Variants in PTPRD observed in about 807,000 individuals in gnomAD.
PTPRD encodes the protein receptor-type tyrosine-protein phosphatase delta.
Under a neutral mutation model 214.5 loss-of-function variants are expected in PTPRD, and 34 were observed. That is an observed-to-expected ratio of 0.16 (90% confidence interval 0.12 to 0.21). PTPRD has a LOEUF of 0.21. PTPRD is among the 10% of genes least tolerant of loss of function. The pLI is 1.00. For missense variants in PTPRD, 2,545 were observed against 2,398.7 expected (o/e 1.06, Z -1.27); for synonymous variants, 1,128 against 845.7 (o/e 1.33, Z -5.79).
chr9:9,450,658 G>A (rs550599139), intron 8 of PTPRD, among the ~76,000 whole-genome samples: 1 of 151,632 alleles, frequency 6.6e-6, no homozygotes, highest in South Asian at 2.1e-4. Flanking sequence ...TAATGAAAAT[G>A]TTTCCTAGAA....
intron 14 of PTPRD, among the ~76,000 whole-genome samples, chr9:8,608,120 C>T (rs1428948279): frequency 2.2e-5 from 3 of 135,230 alleles, no homozygotes; most frequent in Non-Finnish European, 4.6e-5. Flanking sequence ...TATTTCTAAA[C>T]CTTTTTTTTT....
At chr9:9,892,618 G>C (rs542527530) in intron 5 of PTPRD, among the ~76,000 whole-genome samples, 2 of 152,116 alleles carry the variant, frequency 1.3e-5, no homozygotes, top group South Asian at 4.2e-4. Flanking sequence ...CCAAACTGTT[G>C]GGAAATGATC....
chr9:10,191,555 T>C (rs1369884347), intron 3 of PTPRD, among the ~76,000 whole-genome samples: 1 of 152,150 alleles, frequency 6.6e-6, no homozygotes, highest in African/African-American at 2.4e-5. Context: ...CAAACTTTAG[T>C]TTTCTAAAAA....
intron 2 of PTPRD, among the ~76,000 whole-genome samples, chr9:10,608,657 G>T (rs1476293128): frequency 3.3e-5 from 5 of 152,118 alleles, no homozygotes; most frequent in Non-Finnish European, 7.4e-5. Context: ...CAGAGGTACA[G>T]AGAGTCCAGA....
intron 11 of PTPRD, among the ~76,000 whole-genome samples, chr9:8,763,739 T>A (rs1305267813): frequency 6.6e-6 from 1 of 151,604 alleles, no homozygotes; most frequent in Non-Finnish European, 1.5e-5. Context: ...GTTTTTCGTT[T>A]TCTAGAAGAG....
chr9:9,753,721 C>T (rs1043564724), intron 6 of PTPRD, among the ~76,000 whole-genome samples: 2 of 151,834 alleles, frequency 1.3e-5, no homozygotes, highest in Admixed American at 1.3e-4. Context: ...GTCGCAGATG[C>T]TCTCTGAAAA....
At chr9:9,424,321 T>C (rs2142794291) in intron 8 of PTPRD, among the ~76,000 whole-genome samples, 1 of 152,284 alleles carries the variant, frequency 6.6e-6, no homozygotes, top group African/African-American at 2.4e-5. Flanking sequence ...ACTAAGACAG[T>C]TGGTGCTGGT....
At chr9:9,862,603 T>A (rs1418582433) in intron 5 of PTPRD, among the ~76,000 whole-genome samples, 1 of 151,832 alleles carries the variant, frequency 6.6e-6, no homozygotes, top group Non-Finnish European at 1.5e-5. Context: ...GAAAGTGAGA[T>A]AAGAAATACT....
At chr9:8,536,611 A>G (rs2076995033) in intron 14 of PTPRD, among the ~76,000 whole-genome samples, 1 of 151,914 alleles carries the variant, frequency 6.6e-6, no homozygotes, top group Admixed American at 6.6e-5. Context: ...TTTCCTAGAG[A>G]GCTGAGATTT....
chr9:9,640,399 G>A (rs921081519), intron 7 of PTPRD, among the ~76,000 whole-genome samples: 1 of 152,178 alleles, frequency 6.6e-6, no homozygotes. Context: ...GCAGAACTGA[G>A]AGAGGAACAA....
intron 5 of PTPRD, among the ~76,000 whole-genome samples, chr9:9,919,624 G>A (rs774116893): frequency 1.3e-5 from 2 of 152,114 alleles, no homozygotes; most frequent in Admixed American, 1.3e-4. Flanking sequence ...GATGGAAATG[G>A]AAATTACAGA....
chr9:10,049,877 CAGTT>C (rs767724431), intron 3 of PTPRD, among the ~76,000 whole-genome samples: 11 of 152,122 alleles, frequency 7.2e-5, no homozygotes, highest in African/African-American at 2.2e-4. Context: ...TGGTGTGAGA[CAGTT>C]AGTCAAGTTT....
intron 11 of PTPRD, among the ~76,000 whole-genome samples, chr9:8,801,512 T>A (rs1274846968): frequency 1.3e-5 from 2 of 151,792 alleles, no homozygotes; most frequent in Non-Finnish European, 1.5e-5. Context: ...AGGTTGGGAG[T>A]TTGAGACCAG....
chr9:8,553,659 T>C (rs1275667572), intron 14 of PTPRD, among the ~76,000 whole-genome samples: 1 of 152,212 alleles, frequency 6.6e-6, no homozygotes, highest in Non-Finnish European at 1.5e-5. Context: ...TATGCTCTCA[T>C]CGCTTCTCAG....
At chr9:9,847,113 A>C (rs898376354) in intron 5 of PTPRD, among the ~76,000 whole-genome samples, 1 of 152,148 alleles carries the variant, frequency 6.6e-6, no homozygotes, top group African/African-American at 2.4e-5. Flanking sequence ...AAATACTCTT[A>C]AGTAGAACGA....
chr9:9,877,821 A>G (rs1395949803), intron 5 of PTPRD, among the ~76,000 whole-genome samples: 1 of 151,860 alleles, frequency 6.6e-6, no homozygotes, highest in Non-Finnish European at 1.5e-5. Context: ...TGAAAATACA[A>G]AATTAGCCAG....
At chr9:10,553,237 T>G (rs1321477077) in intron 2 of PTPRD, among the ~76,000 whole-genome samples, 3 of 152,148 alleles carry the variant, frequency 2.0e-5, no homozygotes, top group Non-Finnish European at 4.4e-5. Context: ...AGATCATTTA[T>G]GAGCATATCT....
At chr9:8,515,361 T>C (rs1041489680) in intron 21 of PTPRD, among the ~76,000 whole-genome samples, 1 of 152,216 alleles carries the variant, frequency 6.6e-6, no homozygotes, top group Non-Finnish European at 1.5e-5. Flanking sequence ...TACATATTAA[T>C]AATTTAATGT....
intron 3 of PTPRD, among the ~76,000 whole-genome samples, chr9:10,061,912 A>C (rs946632653): frequency 6.6e-6 from 1 of 151,988 alleles, no homozygotes; most frequent in African/African-American, 2.4e-5. Flanking sequence ...GAAATGCAGC[A>C]AATTATTAGG....
Sources: allele counts gnomAD v4.1 joint callset (sites outside exome capture counted in the v4.1 genomes callset), GRCh38; gene constraint gnomAD v4.1.1; transcripts MANE v1.5; gene names NCBI Gene and HGNC (gene_info 2026-07-23, HGNC 2026-07-21).